KIF26B: variants seen among roughly 807,000 people sequenced by gnomAD.
KIF26B encodes kinesin family member 26B.
In KIF26B, 63 loss-of-function variants were observed where a neutral mutation model predicts 151.2. The observed-to-expected ratio is 0.42, with a 90% CI of 0.34 to 0.51. KIF26B has a LOEUF of 0.51. Ranked by LOEUF, KIF26B falls within the 20% of genes least tolerant of loss-of-function variation. The pLI, the probability that KIF26B is intolerant of heterozygous loss-of-function variation, is 0.07. For synonymous variants in KIF26B, 1,357 were observed against 1,262.1 expected, an observed-to-expected ratio of 1.08 and a Z score of -1.59; for missense variants, 2,813 against 2,913.6, an observed-to-expected ratio of 0.97 and a Z score of 0.79.
At position 245,548,973 on chromosome 1, in the gene KIF26B, G is replaced by A. The variant is rs574502247; in HGVS notation, c.1350+8023G>A. ...TTGGCCAGGCTGGTCAACTCCTGAC[G>A]TCAGGTGATCCACCCGCCTTGGCTT... On this transcript the variant is annotated intron_variant, in intron 5 of 14. Coordinates refer to ENST00000407071, the MANE Select transcript of KIF26B (RefSeq NM_018012.4). Among the ~76,000 whole-genome samples the A allele has an allele frequency of 3.5e-4, 53 of 152,160 alleles. No individual in the cohort carries two copies. The South Asian group carries it at 4.8e-3, about 14-fold the overall frequency.
At chr1:245,365,211 C>A (rs906064698) in intron 2 of KIF26B, among the ~76,000 whole-genome samples, 3 of 152,174 alleles carry the variant, frequency 2.0e-5, no homozygotes, top group African/African-American at 7.2e-5. Flanking sequence ...GAGGAGGACG[C>A]CTCGAGACAG....
intron 2 of KIF26B, among the ~76,000 whole-genome samples, chr1:245,360,610 C>A (rs1048359428): frequency 1.3e-5 from 2 of 152,200 alleles, no homozygotes; most frequent in Non-Finnish European, 2.9e-5. Flanking sequence ...CCTGGTCACT[C>A]AGCTACTAAG....
intron 3 of KIF26B, among the ~76,000 whole-genome samples, chr1:245,385,058 C>T (rs922551671): frequency 1.3e-5 from 2 of 152,178 alleles, no homozygotes; most frequent in African/African-American, 4.8e-5. Flanking sequence ...TCACTCCTCT[C>T]TTTTGGATTT....
chr1:245,168,973 C>A (rs940261013), intron 2 of KIF26B, among the ~76,000 whole-genome samples: 1 of 152,192 alleles, frequency 6.6e-6, no homozygotes, highest in Non-Finnish European at 1.5e-5. Flanking sequence ...TATTTCAAAT[C>A]TAATACTTTG....
chr1:245,193,531 C>T (rs1290907010), intron 2 of KIF26B, among the ~76,000 whole-genome samples: 1 of 151,604 alleles, frequency 6.6e-6, no homozygotes, highest in Non-Finnish European at 1.5e-5. Flanking sequence ...TTCAAAATTT[C>T]ATATTTTTTT....
intron 2 of KIF26B, among the ~76,000 whole-genome samples, chr1:245,246,582 T>A (rs570651820): frequency 6.6e-6 from 1 of 152,120 alleles, no homozygotes; most frequent in East Asian, 1.9e-4. Flanking sequence ...CCACAGTGGG[T>A]CTCCAGGGCT....
At chr1:245,631,090 G>T (rs1771498) in intron 9 of KIF26B, among the ~76,000 whole-genome samples, 109,028 of 152,038 alleles carry the variant, frequency 0.72, 39,177 homozygotes, top group East Asian at 0.89. Context: ...TTTGACTTTC[G>T]CTTTTCCAGT....
intron 5 of KIF26B, among the ~76,000 whole-genome samples, chr1:245,573,945 G>A (rs1261007320): frequency 6.6e-6 from 1 of 152,204 alleles, no homozygotes; most frequent in Non-Finnish European, 1.5e-5. Context: ...ACTCAGAATG[G>A]TGTGCAGTTT....
At chr1:245,438,561 G>A (rs1328989907) in intron 4 of KIF26B, among the ~76,000 whole-genome samples, 3 of 152,084 alleles carry the variant, frequency 2.0e-5, no homozygotes, top group African/African-American at 4.8e-5. Context: ...AAAATGAAAC[G>A]AAGGCGTTTG....
chr1:245,536,300 ACT>A (rs964299703), intron 4 of KIF26B, among the ~76,000 whole-genome samples: 110 of 151,960 alleles, frequency 7.2e-4, no homozygotes, highest in African/African-American at 2.6e-3. Context: ...TTCTTGAAAG[ACT>A]CTTTCCTTCC....
chr1:245,463,217 T>C (rs1659691127), intron 4 of KIF26B, among the ~76,000 whole-genome samples: 1 of 152,232 alleles, frequency 6.6e-6, no homozygotes, highest in African/African-American at 2.4e-5. Flanking sequence ...ATCTGCTGCA[T>C]GCATCACCTT....
chr1:245,413,631 C>T (rs191659992), intron 3 of KIF26B, among the ~76,000 whole-genome samples: 13 of 152,284 alleles, frequency 8.5e-5, no homozygotes, highest in Non-Finnish European at 1.5e-4. Context: ...CCACTGCACT[C>T]CAGCCTGGGT....
intron 2 of KIF26B, among the ~76,000 whole-genome samples, chr1:245,243,319 A>G (rs1454886557): frequency 6.6e-6 from 1 of 152,088 alleles, no homozygotes; most frequent in Non-Finnish European, 1.5e-5. Flanking sequence ...ATCTTTGCAA[A>G]TGCCAGTTGT....
chr1:245,174,961 T>C (rs190375158), intron 2 of KIF26B, among the ~76,000 whole-genome samples: 8 of 152,306 alleles, frequency 5.3e-5, no homozygotes, highest in Non-Finnish European at 1.2e-4. Context: ...AGTACCACAG[T>C]CATCAGATTA....
chr1:245,285,462 G>T (rs1468659839), intron 2 of KIF26B, among the ~76,000 whole-genome samples: 1 of 152,130 alleles, frequency 6.6e-6, no homozygotes, highest in Non-Finnish European at 1.5e-5. Context: ...AATTCAATTT[G>T]CCACAGGGAA....
chr1:245,682,391 T>A (rs1230131700), intron 10 of KIF26B, among the ~76,000 whole-genome samples: 3 of 152,194 alleles, frequency 2.0e-5, no homozygotes, highest in Non-Finnish European at 4.4e-5. Flanking sequence ...CTACCATGAA[T>A]AACAAGAGCT....
At chr1:245,669,786 A>AT (rs1400700792) in intron 10 of KIF26B, among the ~76,000 whole-genome samples, 1 of 152,162 alleles carries the variant, frequency 6.6e-6, no homozygotes, top group Non-Finnish European at 1.5e-5. Flanking sequence ...CAAGAGTCGC[A>AT]TATAGAATTG....
At chr1:245,635,044 A>C (rs1049553642) in intron 9 of KIF26B, among the ~76,000 whole-genome samples, 1 of 146,428 alleles carries the variant, frequency 6.8e-6, no homozygotes, top group Non-Finnish European at 1.5e-5. Context: ...TTAATATTTT[A>C]TTTAGAATTT....
chr1:245,266,460 C>A (rs1015414230), intron 2 of KIF26B, among the ~76,000 whole-genome samples: 1 of 152,148 alleles, frequency 6.6e-6, no homozygotes, highest in Non-Finnish European at 1.5e-5. Context: ...GCTTTGGAGT[C>A]AGTCCAGGAT....
Sources: gnomAD v4.1 joint callset for allele counts (sites outside exome capture counted in the v4.1 genomes callset) on GRCh38, gnomAD v4.1.1 for gene constraint, MANE v1.5 for transcripts, NCBI Gene and HGNC (gene_info 2026-07-23, HGNC 2026-07-21) for gene names.